The following SGIP1 variants were observed in gnomAD, a reference collection of about 807,000 sequenced individuals.
SGIP1 encodes the protein SH3GL interacting endocytic adaptor 1.
Under a neutral mutation model 107.5 loss-of-function variants are expected in SGIP1, and 38 were observed. The observed-to-expected ratio is 0.35, with a 90% confidence interval of 0.27 to 0.46. SGIP1 has a LOEUF of 0.46. Ranked by LOEUF, SGIP1 falls within the 20% of genes least tolerant of loss-of-function variation. SGIP1 has a pLI of 1.00. For missense variants in SGIP1, 929 were observed against 1,019.5 expected (o/e 0.91, Z 1.21); for synonymous variants, 365 against 366.1 (o/e 1.00, Z 0.03).
At position 66,669,341 on chromosome 1, in the gene SGIP1, G is replaced by T. The variant is rs545137042; in HGVS notation, c.484-1654G>T. ...GGTTTCATGGATATTAACATTTGAA[G>T]GAGTAGGACAGAGGGACAAAAAGGT... On this transcript the variant is annotated intron_variant, in intron 9 of 24. Transcript: ENST00000371037. Among the ~76,000 whole-genome samples, 143 of 152,318 alleles carry T rather than the reference G, an allele frequency of 9.4e-4. 1 individual carries two copies. In the South Asian group the frequency reaches 0.029, roughly 31 times the overall value.
chr1:66,658,342 G>A (rs908969439), intron 7 of SGIP1, among the ~76,000 whole-genome samples: 3 of 152,310 alleles, frequency 2.0e-5, no homozygotes, highest in Admixed American at 2.0e-4. Context: ...GTACAAAGCT[G>A]TGCCACTTCT....
intron 1 of SGIP1, among the ~76,000 whole-genome samples, chr1:66,539,326 C>G (rs1264442545): frequency 1.3e-5 from 2 of 152,152 alleles, no homozygotes; most frequent in Non-Finnish European, 2.9e-5. Flanking sequence ...TGTGTGCTAA[C>G]TACCAAATGT....
Position 66,641,488 on chromosome 1 carries a change from A to T in SGIP1, c.229-1322A>T, listed in dbSNP as rs374429379. Among the ~76,000 whole-genome samples the T allele has an allele frequency of 2.9e-4, 44 of 152,196 alleles. 1 individual carries two copies. The South Asian group carries it at 8.3e-3, about 29-fold the overall frequency. On this transcript the variant is annotated intron_variant, in intron 5 of 24. Transcript: ENST00000371037. ...CTCAACTTCAACAGGGCCACCTACA[A>T]ATGCTTCATCTTCCTCCCCTCTAGG...
intron 1 of SGIP1, among the ~76,000 whole-genome samples, chr1:66,563,139 G>T (rs2059189430): frequency 6.6e-6 from 1 of 151,874 alleles, no homozygotes; most frequent in Non-Finnish European, 1.5e-5. Context: ...ACAACATCAA[G>T]AATTTGGTAT....
At chr1:66,546,577 A>T (rs2056433254) in intron 1 of SGIP1, among the ~76,000 whole-genome samples, 2 of 152,160 alleles carry the variant, frequency 1.3e-5, no homozygotes, top group South Asian at 4.1e-4. Context: ...CTTCATTTAT[A>T]TATTGAGCAA....
At chr1:66,633,604 G>A (rs2075233156) in intron 3 of SGIP1, among the ~76,000 whole-genome samples, 1 of 152,176 alleles carries the variant, frequency 6.6e-6, no homozygotes, top group Non-Finnish European at 1.5e-5. Context: ...AGAGGAAAAT[G>A]TGTCCACTGG....
chr1:66,635,478 G>A (rs10889638), intron 3 of SGIP1, among the ~76,000 whole-genome samples: 35,579 of 152,210 alleles, frequency 0.23, 4,890 homozygotes, highest in African/African-American at 0.38. Context: ...GTGCAGGAAA[G>A]GGCACAGATT....
At chr1:66,568,255 C>G (rs2059922411) in intron 1 of SGIP1, among the ~76,000 whole-genome samples, 1 of 152,010 alleles carries the variant, frequency 6.6e-6, no homozygotes, top group African/African-American at 2.4e-5. Flanking sequence ...TTTTTATTCT[C>G]TTTTTGCCCA....
chr1:66,549,755 G>A (rs1471772349), intron 1 of SGIP1, among the ~76,000 whole-genome samples: 1 of 152,090 alleles, frequency 6.6e-6, no homozygotes, highest in South Asian at 2.1e-4. Flanking sequence ...CTCTACATCT[G>A]TGCTTCCCAA....
At chr1:66,653,064 G>A (rs12032485) in intron 7 of SGIP1, among the ~76,000 whole-genome samples, 21,558 of 152,060 alleles carry the variant, frequency 0.14, 2,305 homozygotes, top group East Asian at 0.51. Flanking sequence ...TCCCAGACAT[G>A]GGCTTAGAAG....
intron 1 of SGIP1, among the ~76,000 whole-genome samples, chr1:66,565,072 G>T (rs1390216142): frequency 6.6e-6 from 1 of 151,986 alleles, no homozygotes; most frequent in East Asian, 1.9e-4. Flanking sequence ...GTAAAACCAG[G>T]ACCCCCTGAC....
chr1:66,591,786 A>C (rs1217447189), intron 1 of SGIP1, among the ~76,000 whole-genome samples: 1 of 152,204 alleles, frequency 6.6e-6, no homozygotes, highest in Non-Finnish European at 1.5e-5. Context: ...GTGATGTGGC[A>C]GGACTATAGG....
chr1:66,722,240 A>C (rs1487362375), intron 19 of SGIP1, among the ~76,000 whole-genome samples: 1 of 152,138 alleles, frequency 6.6e-6, no homozygotes, highest in Admixed American at 6.5e-5. Flanking sequence ...TTGTCCCCTC[A>C]TTCCCTTCAT....
Position 66,729,317 on chromosome 1 carries a change from C to G in SGIP1, c.1796C>G (p.Thr599Ser). 1.2e-6 allele frequency: 2 copies of G among 1,614,108 alleles called. No homozygotes were observed. Among genetic ancestry groups the G allele is most frequent in the South Asian group, 2.2e-5 (2 of 91,078 alleles). ...GTGTTGTCATTTCCTGCTGGCATCA[C>G]CAGACACTTTGCCAACAACCCGTCC... ...EMVLSFPAGI[T>S]RHFANNPSPA... is the part of the protein sequence containing the mutation. The change falls in exon 20 of 25, where the codon ACC becomes AGC. Residue 599 changes from threonine to serine, a missense_variant. Around this residue, in one of 2 missense-constraint regions of SGIP1, gnomAD observed 341 missense variants for 430.9 expected, o/e 0.79. Transcript: ENST00000371037.
intron 1 of SGIP1, among the ~76,000 whole-genome samples, chr1:66,575,443 T>A (rs1231498578): frequency 6.6e-6 from 1 of 152,178 alleles, no homozygotes; most frequent in Admixed American, 6.6e-5. Flanking sequence ...CCTCTCTACC[T>A]GCTGTGGTTT....
At chr1:66,732,607 G>T (rs926286538) in intron 20 of SGIP1, among the ~76,000 whole-genome samples, 2 of 152,078 alleles carry the variant, frequency 1.3e-5, no homozygotes, top group African/African-American at 4.8e-5. Context: ...TTAAAGCCCT[G>T]GTGTTTTTTA....
Position 66,747,410 on chromosome 1 carries a change from A to C in SGIP1, c.*4315A>C, listed in dbSNP as rs2094567773. 1 of 152,112 alleles carries C rather than the reference A, an allele frequency of 6.6e-6. No individual in the cohort carries two copies. The highest frequency in any genetic ancestry group is 1.9e-4 in the East Asian group (1 of 5,190). 9.4% of individuals were successfully genotyped at this position (152,112 alleles called of 1,614,324 possible). ...AATTTTTTTCCCTAGGAAAATCCCT[A>C]TCTTTTTCTTAAAGTTACTCTGTTA... On this transcript the variant is annotated 3_prime_UTR_variant, in exon 25 of 25. Coordinates refer to ENST00000371037, the MANE Select transcript of SGIP1 (RefSeq NM_032291.4).
In SGIP1 at chr1:66,744,334, T is replaced by C. The variant is rs1311466584; in HGVS notation, c.*1239T>C. 1 of 152,166 alleles carries C rather than the reference T, an allele frequency of 6.6e-6. No individual in the cohort carries two copies. Among genetic ancestry groups the C allele is most frequent in the African/African-American group, 2.4e-5 (1 of 41,464 alleles). 9.4% of individuals were successfully genotyped at this position (152,166 alleles called of 1,614,324 possible). ...AGAGTTATCAAAAATGTATGTCGTT[T>C]CATCGTTGCAAGGTATAATAAAAAC... On this transcript the variant is annotated 3_prime_UTR_variant, in exon 25 of 25. Transcript: ENST00000371037.
intron 1 of SGIP1, among the ~76,000 whole-genome samples, chr1:66,565,811 C>T (rs2059561560): frequency 6.6e-6 from 1 of 151,930 alleles, no homozygotes; most frequent in African/African-American, 2.4e-5. Flanking sequence ...GTGGTGAGTA[C>T]ACTAAGAATT....
Sources: gnomAD v4.1 joint callset for allele counts (sites outside exome capture counted in the v4.1 genomes callset) on GRCh38, gnomAD v4.1.1 for gene constraint, gnomAD v4.1.1 regional missense constraint, MANE v1.5 for transcripts, NCBI Gene and HGNC (gene_info 2026-07-23, HGNC 2026-07-21) for gene names.